Variants in ESRRB observed in about 807,000 individuals in gnomAD.
ESRRB encodes estrogen related receptor beta, also known as steroid hormone receptor ERR2.
In ESRRB, 16 loss-of-function variants were observed where a neutral mutation model predicts 46.0. That is an observed-to-expected ratio of 0.35 (90% CI 0.24 to 0.53). ESRRB has a LOEUF of 0.53. Among genes scored for constraint, ESRRB ranks in the 20% least tolerant of loss-of-function variants. The pLI, the probability that ESRRB is intolerant of heterozygous loss-of-function variation, is 0.93. For synonymous variants in ESRRB, 246 were observed against 259.6 expected, an observed-to-expected ratio of 0.95 and a Z score of 0.50; for missense variants, 488 against 607.4, an observed-to-expected ratio of 0.80 and a Z score of 2.07.
chr14:76,354,304 G>C (rs1296148134), intron 1 of ESRRB, among the ~76,000 whole-genome samples: 2 of 146,334 alleles, frequency 1.4e-5, no homozygotes, highest in African/African-American at 5.1e-5. Flanking sequence ...CTACCACTGG[G>C]CTGTGGGGCT....
chr14:76,370,021 C>CT (rs1412089171), upstream of ESRRB, among the ~76,000 whole-genome samples: 2 of 152,154 alleles, frequency 1.3e-5, no homozygotes, highest in African/African-American at 4.8e-5. Flanking sequence ...CCAAAGAGAA[C>CT]TTTTTCTTCT....
At chr14:76,393,675 T>C (rs907939599) in intron 1 of ESRRB, among the ~76,000 whole-genome samples, 5 of 152,136 alleles carry the variant, frequency 3.3e-5, no homozygotes, top group African/African-American at 1.2e-4. Context: ...TCCAAGCAGG[T>C]GCCCATGTCC....
intron 1 of ESRRB, among the ~76,000 whole-genome samples, chr14:76,436,369 A>G (rs1283692438): frequency 2.0e-5 from 3 of 152,220 alleles, no homozygotes; most frequent in African/African-American, 4.8e-5. Context: ...TGGTCACTAC[A>G]TCATCGCTGC....
At chr14:76,474,627 G>A (rs1889501400) in intron 3 of ESRRB, among the ~76,000 whole-genome samples, 1 of 152,138 alleles carries the variant, frequency 6.6e-6, no homozygotes, top group African/African-American at 2.4e-5. Context: ...GATTGCTTAA[G>A]CTCAGGAGTT....
At chr14:76,491,035 T>C (rs1254579755) in intron 5 of ESRRB, among the ~76,000 whole-genome samples, 1 of 152,016 alleles carries the variant, frequency 6.6e-6, no homozygotes, top group African/African-American at 2.4e-5. Flanking sequence ...GAGCAGAGAG[T>C]GGGCCCTGGA....
chr14:76,490,474 G>A (rs897361822), intron 5 of ESRRB, among the ~76,000 whole-genome samples: 7 of 152,060 alleles, frequency 4.6e-5, no homozygotes, highest in South Asian at 2.1e-4. Context: ...TGGAATCATC[G>A]TCTCATTTAG....
intron 3 of ESRRB, among the ~76,000 whole-genome samples, chr14:76,470,113 A>AATTTT (rs1270054701): frequency 6.6e-6 from 1 of 151,674 alleles, no homozygotes; most frequent in Admixed American, 6.6e-5. Context: ...ACGCCTGGTT[A>AATTTT]ATTTTTTGTA....
intron 1 of ESRRB, among the ~76,000 whole-genome samples, chr14:76,416,381 C>G (rs538866538): frequency 4.2e-4 from 64 of 152,164 alleles, no homozygotes; most frequent in African/African-American, 1.5e-3. Flanking sequence ...GCCTTTGTCT[C>G]CCAAAGTGCT....
chr14:76,325,998 C>T (rs1297956248), intron 1 of ESRRB, among the ~76,000 whole-genome samples: 1 of 152,204 alleles, frequency 6.6e-6, no homozygotes, highest in Non-Finnish European at 1.5e-5. Context: ...GAGACACCTC[C>T]TCCCTGAAGC....
intron 1 of ESRRB, among the ~76,000 whole-genome samples, chr14:76,429,757 A>T (rs1175537670): frequency 3.3e-5 from 5 of 152,208 alleles, no homozygotes; most frequent in African/African-American, 9.7e-5. Context: ...TCTCAAAAAA[A>T]TAATAAAAAT....
intron 2 of ESRRB, among the ~76,000 whole-genome samples, chr14:76,460,385 G>A (rs1286619228): frequency 1.3e-5 from 2 of 152,212 alleles, no homozygotes; most frequent in Non-Finnish European, 2.9e-5. Flanking sequence ...TATGAAATGG[G>A]ACACTGATGT....
intron 3 of ESRRB, among the ~76,000 whole-genome samples, chr14:76,472,832 C>G (rs1259200923): frequency 1.3e-5 from 2 of 152,188 alleles, no homozygotes; most frequent in African/African-American, 4.8e-5. Flanking sequence ...GAGTTCACCC[C>G]CAAGTTTCCT....
chr14:76,366,500 C>T (rs1259409449), upstream of ESRRB, among the ~76,000 whole-genome samples: 2 of 152,154 alleles, frequency 1.3e-5, no homozygotes, highest in African/African-American at 4.8e-5. Context: ...GGAAAATTTG[C>T]TGTGTGATAT....
chr14:76,418,065 C>T (rs1285872107), intron 1 of ESRRB, among the ~76,000 whole-genome samples: 3 of 149,372 alleles, frequency 2.0e-5, no homozygotes, highest in Admixed American at 6.8e-5. Flanking sequence ...AAGTGATTCT[C>T]CTGCCTCAGC....
At chr14:76,491,991 G>A (rs1890250971) in intron 6 of ESRRB, among the ~76,000 whole-genome samples, 2 of 152,220 alleles carry the variant, frequency 1.3e-5, no homozygotes, top group Non-Finnish European at 2.9e-5. Flanking sequence ...TTGCTAAGGA[G>A]CAAATCCCAC....
chr14:76,347,587 G>T (rs535478732), intron 1 of ESRRB, among the ~76,000 whole-genome samples: 1 of 100,358 alleles, frequency 1.0e-5, no homozygotes, highest in East Asian at 3.0e-4. Flanking sequence ...CACTTAATCT[G>T]CCCAACAACT....
chr14:76,469,944 C>CTTTTTTTTTTTT (rs1178018542), intron 3 of ESRRB, among the ~76,000 whole-genome samples: 27 of 73,068 alleles, frequency 3.7e-4, no homozygotes, highest in South Asian at 4.9e-4. Flanking sequence ...TTTTTTTTTT[C>CTTTTTTTTTTTT]TTTTTTTTTT....
chr14:76,334,304 C>G (rs191376439), intron 1 of ESRRB, among the ~76,000 whole-genome samples: 59 of 152,096 alleles, frequency 3.9e-4, no homozygotes, highest in African/African-American at 1.3e-3. Flanking sequence ...GCGCAGAGCT[C>G]GAGAATATAC....
At chr14:76,391,616 C>G (rs973203463) in intron 1 of ESRRB, among the ~76,000 whole-genome samples, 1 of 152,252 alleles carries the variant, frequency 6.6e-6, no homozygotes. Context: ...CTATGGGAGT[C>G]TTTCACTTTA....
Sources: allele counts gnomAD v4.1 joint callset (sites outside exome capture counted in the v4.1 genomes callset), GRCh38; gene constraint gnomAD v4.1.1; transcripts MANE v1.5; gene names NCBI Gene and HGNC (gene_info 2026-07-23, HGNC 2026-07-21).